GTF2H2C: variants seen among roughly 807,000 people sequenced by gnomAD.
GTF2H2C encodes the protein GTF2H2 family member C.
A neutral mutation model predicts 24.8 loss-of-function variants in GTF2H2C; 5 were observed. That is an observed-to-expected ratio of 0.20 (90% CI 0.11 to 0.42). The LOEUF (loss-of-function observed/expected upper bound fraction) is 0.42. Ranked by LOEUF, GTF2H2C falls within the 20% of genes least tolerant of loss-of-function variation. The pLI is 1.00. For synonymous variants in GTF2H2C, 14 were observed against 52.6 expected (o/e 0.27, Z 3.18); for missense variants, 45 against 169.8 (o/e 0.27, Z 4.08).
Position 69,563,685 on chromosome 5 carries a change from T to C in GTF2H2C, c.-34+915T>C, listed in dbSNP as rs562014506. ...TAGGCAGTTTTTCAACCCTCACTCT[T>C]TCCCATCCTTCCCTGTCTAATAGTC... is the stretch of plus-strand genomic sequence containing the variant. On this transcript the variant is annotated intron_variant, in intron 2 of 16. Transcript: ENST00000380729. Among the ~76,000 whole-genome samples the C allele has an allele frequency of 2.1e-3, 316 of 151,562 alleles. 2 individuals are homozygous for C. Among genetic ancestry groups the C allele is most frequent in the African/African-American group, 7.2e-3 (296 of 40,984 alleles).
Position 69,582,822 on chromosome 5 carries a change from G to GA in GTF2H2C, c.821+396dup, listed in dbSNP as rs1419379815. Among the ~76,000 whole-genome samples, 2 of 31,482 alleles carry GA rather than the reference G, an allele frequency of 6.4e-5. 1 individual carries two copies. 20.7% of individuals were successfully genotyped at this position (31,482 alleles called of 152,430 possible). On this transcript the variant is annotated intron_variant, in intron 13 of 16. Transcript: ENST00000380729. ...ACTTAATGATAGGGACACATTCTGAGAAATGCGTCATTAGGTGATACCATC... is the reference window on the plus strand; with the variant it reads ...ACTTAATGATAGGGACACATTCTGAGAAAATGCGTCATTAGGTGATACCATC...
At chr5:69,569,733 G>A (rs1417368250) in intron 8 of GTF2H2C, 2 of 82,344 alleles carry the variant, frequency 2.4e-5, no homozygotes, top group Admixed American at 1.2e-4. Context: ...TCGCCCAGGC[G>A]GTGCTGTCTT....
rs1467529650 is a variant in GTF2H2C, at chr5:69,568,985, G to A, written c.364+778G>A. 3 of 49,180 alleles carry A rather than the reference G, an allele frequency of 6.1e-5. 1 individual carries two copies. The highest frequency in any genetic ancestry group is 1.3e-4 in the Non-Finnish European group (3 of 22,422). 3.0% of individuals were successfully genotyped at this position (49,180 alleles called of 1,614,324 possible). A position where few individuals can be genotyped will look rare whatever the true frequency, so the allele number is the denominator to read the frequency against. On this transcript the variant is annotated intron_variant, in intron 8 of 16. Coordinates refer to ENST00000380729, the MANE Select transcript of GTF2H2C (RefSeq NM_001376000.2). ...CCTAACTGAATTTTAGTTTCAAAAC[G>A]TAGTAATGGCATTTTTTATTTGCTT... is the stretch of plus-strand genomic sequence containing the variant.
chr5:69,561,226 C>A (rs1320101917), intron 1 of GTF2H2C, among the ~76,000 whole-genome samples: 5 of 151,636 alleles, frequency 3.3e-5, no homozygotes, highest in Non-Finnish European at 5.9e-5. Flanking sequence ...CCTGTCCAGT[C>A]GGATTTCCCA....
chr5:69,561,576 T>G, intron 1 of GTF2H2C, among the ~76,000 whole-genome samples: 1 of 119,426 alleles, frequency 8.4e-6, no homozygotes, highest in African/African-American at 3.3e-5. Flanking sequence ...AAAAAAAGAA[T>G]TCCTTTGATA....
chr5:69,573,145 TACACACACACACACAC>T (rs779761105), intron 9 of GTF2H2C, among the ~76,000 whole-genome samples: 3 of 117,440 alleles, frequency 2.6e-5, no homozygotes, highest in Non-Finnish European at 5.3e-5. Context: ...CTATTATATA[TACACACACACACACAC>T]ACACACACAC....
rs1160077149 is a variant in GTF2H2C at position 69,589,875 on chromosome 5, CTTTTTTTTTTTTTT to C, written c.1029-442_1029-429del. On this transcript the variant is annotated intron_variant, in intron 15 of 16. Transcript: ENST00000380729. ...AATTTTTTTTTAAATTATTGCTATT[CTTTTTTTTTTTTTT>C]TTTTTTTTTTGTGAGTCAGAGTTTT... Among the ~76,000 whole-genome samples, 3 of 60,352 alleles carry C rather than the reference CTTTTTTTTTTTTTT, an allele frequency of 5.0e-5. No individual in the cohort carries two copies. In the Admixed American group the frequency reaches 9.4e-4, roughly 19 times the overall value. 39.6% of individuals were successfully genotyped at this position (60,352 alleles called of 152,430 possible). A position where few individuals can be genotyped will look rare whatever the true frequency, so the allele number is the denominator to read the frequency against.
chr5:69,588,303 C>T lies in GTF2H2C; in HGVS notation c.1028+1947C>T, dbSNP rs2112262525. On this transcript the variant is annotated intron_variant, in intron 15 of 16. Transcript: ENST00000380729. ...CAGAAGGTCCAATATGAGAATGATA[C>T]GAGAAAAAAAGAAAAAAAGTAGGAT... 7.2e-5 allele frequency among the ~76,000 whole-genome samples: 2 copies of T among 27,808 alleles called. 1 individual carries two copies. The highest frequency in any genetic ancestry group is 6.2e-4 in the Admixed American group (2 of 3,232). The allele number at this position is 27,808 out of a possible 152,430, so 18.2% of individuals were successfully genotyped here.
intron 3 of GTF2H2C, chr5:69,565,887 AGT>A (rs1428331046): frequency 1.8e-6 from 1 of 544,804 alleles, no homozygotes; most frequent in Non-Finnish European, 3.3e-6. Context: ...TCCATGTTGC[AGT>A]GTGTATTAAT....
intron 2 of GTF2H2C, among the ~76,000 whole-genome samples, chr5:69,564,166 G>GT (rs1228009413): frequency 7.4e-6 from 1 of 134,530 alleles, no homozygotes. Context: ...TTTTTTCGTT[G>GT]TTTTTTTGGC....
rs1772107572 is a variant in GTF2H2C, at chr5:69,594,404, T to A, written c.*2206T>A. The A allele has an allele frequency of 6.9e-6, 1 of 144,864 alleles. No homozygotes were observed. Among genetic ancestry groups the A allele is most frequent in the Non-Finnish European group, 1.5e-5 (1 of 65,640 alleles). The allele number at this position is 144,864 out of a possible 1,614,324, so 9.0% of individuals were successfully genotyped here. ...GACAACGTAATCCCACCCTGGAGAG[T>A]TTATTGGGAGCCCAGGAATATTCAT... On this transcript the variant is annotated 3_prime_UTR_variant, in exon 17 of 17. Coordinates refer to ENST00000380729, the MANE Select transcript of GTF2H2C (RefSeq NM_001376000.2).
chr5:69,561,906 A>G (rs1179443605), intron 1 of GTF2H2C, among the ~76,000 whole-genome samples: 1 of 152,046 alleles, frequency 6.6e-6, no homozygotes, highest in Non-Finnish European at 1.5e-5. Context: ...AAGTGCTGGG[A>G]TTACAGGTTT....
chr5:69,560,915 G>A (rs1197700613), intron 1 of GTF2H2C, among the ~76,000 whole-genome samples: 1 of 151,678 alleles, frequency 6.6e-6, no homozygotes, highest in Admixed American at 6.6e-5. Flanking sequence ...GTGCCACCAC[G>A]CCCAGCTAAT....
intron 2 of GTF2H2C, among the ~76,000 whole-genome samples, 158 bp from the exon 3 acceptor site, chr5:69,564,942 T>C (rs1293078749): frequency 9.2e-5 from 14 of 152,078 alleles, no homozygotes; most frequent in Admixed American, 8.5e-4. Flanking sequence ...TGGAGTTCTA[T>C]GAAGATTTTT....
chr5:69,586,890 G>GA (rs1363505437), intron 15 of GTF2H2C, among the ~76,000 whole-genome samples: 1 of 32,064 alleles, frequency 3.1e-5, no homozygotes. Context: ...TCTTAAAAAA[G>GA]AAAAAAAAAG....
chr5:69,563,903 T>C (rs2112171521), intron 2 of GTF2H2C, among the ~76,000 whole-genome samples: 1 of 151,596 alleles, frequency 6.6e-6, no homozygotes, highest in Middle Eastern at 3.4e-3. Flanking sequence ...GCCTCCTGAG[T>C]AGATGGGATT....
intron 1 of GTF2H2C, among the ~76,000 whole-genome samples, chr5:69,561,130 C>G (rs1174419007): frequency 6.6e-6 from 1 of 152,070 alleles, no homozygotes; most frequent in Non-Finnish European, 1.5e-5. Context: ...AGTCCATCTT[C>G]AGGATGCATG....
At chr5:69,566,448 A>G (rs1770765786) in intron 4 of GTF2H2C, 141 bp from the exon 5 acceptor site, 11 of 1,429,620 alleles carry the variant, frequency 7.7e-6, no homozygotes, top group Non-Finnish European at 9.5e-6. Flanking sequence ...TATTTACTCC[A>G]CTAAAAATGC....
In GTF2H2C at chr5:69,560,227, C is replaced by T. The variant is rs562572187; in HGVS notation, c.-308C>T. The T allele has an allele frequency of 2.0e-5, 3 of 152,356 alleles. No individual in the cohort carries two copies. The East Asian group carries it at 5.8e-4, about 29-fold the overall frequency. 9.4% of individuals were successfully genotyped at this position (152,356 alleles called of 1,614,324 possible). On this transcript the variant is annotated 5_prime_UTR_variant, in exon 1 of 17. Coordinates refer to ENST00000380729, the MANE Select transcript of GTF2H2C (RefSeq NM_001376000.2). The stretch of plus-strand genomic sequence containing the variant: ...TCGGGCTGAGTTTCCGGCTGAGAGT[C>T]CTTCTAGCGGCGCCGGTGAGTCCGC...
Sources: allele counts gnomAD v4.1 joint callset (sites outside exome capture counted in the v4.1 genomes callset), GRCh38; gene constraint gnomAD v4.1.1; transcripts MANE v1.5; gene names NCBI Gene and HGNC (gene_info 2026-07-23, HGNC 2026-07-21).